STIM2: variants seen among roughly 807,000 people sequenced by gnomAD.
STIM2 encodes stromal interaction molecule 2.
A neutral mutation model predicts 85.8 loss-of-function variants in STIM2; 31 were observed. That is an observed-to-expected ratio of 0.36 (90% CI 0.27 to 0.49). The LOEUF is 0.49. STIM2 is among the 20% of genes least tolerant of loss of function. The pLI, the probability that STIM2 is intolerant of heterozygous loss-of-function variation, is 0.98. For missense variants in STIM2, 841 were observed against 927.6 expected (o/e 0.91, Z 1.21); for synonymous variants, 356 against 331.1 (o/e 1.08, Z -0.82).
chr4:26,990,699 G>T (rs1727736469), intron 3 of STIM2, among the ~76,000 whole-genome samples: 1 of 152,132 alleles, frequency 6.6e-6, no homozygotes, highest in Non-Finnish European at 1.5e-5. Context: ...TCTGACAAGA[G>T]ATTAATAACC....
intron 4 of STIM2, among the ~76,000 whole-genome samples, chr4:26,997,929 A>G (rs1340792757): frequency 6.6e-6 from 1 of 152,218 alleles, no homozygotes; most frequent in African/African-American, 2.4e-5. Context: ...GAGAGTACTG[A>G]TATCTTTCTA....
intron 2 of STIM2, among the ~76,000 whole-genome samples, chr4:26,946,510 G>C (rs1034687736): frequency 2.6e-5 from 4 of 152,186 alleles, no homozygotes; most frequent in Admixed American, 6.5e-5. Flanking sequence ...TCTTCTCTGT[G>C]TGAGGGGCCT....
chr4:27,001,811 C>T lies in STIM2; in HGVS notation c.626-406C>T, dbSNP rs567690017. ...ATCAGGTTTATAAGTGTGAGAGAAA[C>T]GTGACAGCTGCCTAGCTTGACTGAA... is the stretch of plus-strand genomic sequence containing the variant. On this transcript the variant is annotated intron_variant, in intron 5 of 11. Transcript: ENST00000467087. Among the ~76,000 whole-genome samples the T allele has an allele frequency of 3.3e-5, 5 of 152,250 alleles. No individual in the cohort carries two copies. The South Asian group carries it at 8.3e-4, about 25-fold the overall frequency.
At chr4:27,001,721 A>G (rs946593660) in intron 5 of STIM2, among the ~76,000 whole-genome samples, 4 of 152,156 alleles carry the variant, frequency 2.6e-5, no homozygotes, top group Non-Finnish European at 4.4e-5. Context: ...CTTGAGAACC[A>G]CTGATTAACC....
At position 26,861,050 on chromosome 4, in the gene STIM2, G is replaced by A. The variant is rs903487982; in HGVS notation, c.-169G>A. The A allele has an allele frequency of 1.4e-5, 17 of 1,190,706 alleles. No homozygotes were observed. In the African/African-American group the frequency reaches 1.8e-4, roughly 13 times the overall value. The allele number at this position is 1,190,706 out of a possible 1,614,324, so 73.8% of individuals were successfully genotyped here. On this transcript the variant is annotated 5_prime_UTR_variant, in exon 1 of 12. Transcript: ENST00000467087. ...GGAGCCCGTGTCTGAGGCGGCGGGGGCGGCCGGAGGAGTCGCCGGCGGCGG... is the reference window on the plus strand; with the variant it reads ...GGAGCCCGTGTCTGAGGCGGCGGGGACGGCCGGAGGAGTCGCCGGCGGCGG...
chr4:26,958,485 A>C (rs1726330214), intron 3 of STIM2, among the ~76,000 whole-genome samples: 1 of 152,182 alleles, frequency 6.6e-6, no homozygotes, highest in Non-Finnish European at 1.5e-5. Flanking sequence ...GAGTGTAAAG[A>C]AATAATAAAG....
At chr4:26,945,692 T>C (rs536364825) in intron 2 of STIM2, among the ~76,000 whole-genome samples, 1 of 152,282 alleles carries the variant, frequency 6.6e-6, no homozygotes, top group South Asian at 2.1e-4. Context: ...GCATTTCTCT[T>C]ATGATCAGTG....
chr4:27,018,644 G>C (rs964142443), intron 11 of STIM2, among the ~76,000 whole-genome samples: 8 of 152,172 alleles, frequency 5.3e-5, no homozygotes, highest in Non-Finnish European at 1.0e-4. Flanking sequence ...CAGGGGCTGG[G>C]AATTTGGGAG....
At chr4:26,992,550 T>G (rs1283473537) in intron 3 of STIM2, among the ~76,000 whole-genome samples, 8 of 151,748 alleles carry the variant, frequency 5.3e-5, no homozygotes, top group Non-Finnish European at 1.2e-4. Context: ...AAAAAAAAGG[T>G]TATATAGTAA....
intron 1 of STIM2, among the ~76,000 whole-genome samples, chr4:26,867,936 C>G (rs1398881914): frequency 6.6e-6 from 1 of 152,168 alleles, no homozygotes; most frequent in East Asian, 1.9e-4. Context: ...TAGGAAAGTT[C>G]TAAATTGGGG....
intron 3 of STIM2, among the ~76,000 whole-genome samples, chr4:26,962,600 GTA>G (rs773035074): frequency 0.05 from 6,087 of 122,042 alleles, 102 homozygotes; most frequent in Middle Eastern, 0.067. Context: ...GTGTGTGTGT[GTA>G]TGTGTGTCTG....
chr4:26,972,721 C>A (rs1165850489), intron 3 of STIM2, among the ~76,000 whole-genome samples: 1 of 152,126 alleles, frequency 6.6e-6, no homozygotes, highest in Non-Finnish European at 1.5e-5. Flanking sequence ...TGTGTCTCTG[C>A]CAGGCTTTGG....
chr4:26,991,492 G>A (rs772914037), intron 3 of STIM2, among the ~76,000 whole-genome samples: 1 of 152,044 alleles, frequency 6.6e-6, no homozygotes, highest in Non-Finnish European at 1.5e-5. Flanking sequence ...GAAGTAATAA[G>A]TTCTAGTATT....
rs1235267092 is a variant in STIM2, at chr4:27,025,149, AT to A, written c.*2156del. 1.3e-5 allele frequency: 2 copies of A among 152,178 alleles called. No individual in the cohort carries two copies. Among genetic ancestry groups the A allele is most frequent in the African/African-American group, 2.4e-5 (1 of 41,456 alleles). 9.4% of individuals were successfully genotyped at this position (152,178 alleles called of 1,614,324 possible). A position where few individuals can be genotyped will look rare whatever the true frequency, so the allele number is the denominator to read the frequency against. ...TTATAAACAAATTCAACCAAGGGAT[AT>A]TTACTGCTTTATGTTGCTTATGATA... On this transcript the variant is annotated 3_prime_UTR_variant, in exon 12 of 12. Coordinates refer to ENST00000467087, the MANE Select transcript of STIM2 (RefSeq NM_020860.4).
At chr4:26,955,320 T>C (rs1726206049) in intron 2 of STIM2, among the ~76,000 whole-genome samples, 2 of 147,804 alleles carry the variant, frequency 1.4e-5, no homozygotes, top group Non-Finnish European at 3.0e-5. Context: ...GTTTAGATTG[T>C]TTGAGTTCAT....
intron 2 of STIM2, among the ~76,000 whole-genome samples, chr4:26,931,773 A>C (rs979354320): frequency 2.0e-5 from 3 of 152,184 alleles, no homozygotes; most frequent in African/African-American, 7.2e-5. Context: ...TATATACTGA[A>C]ATTTTCATAA....
At chr4:26,939,472 GA>G (rs1725517965) in intron 2 of STIM2, among the ~76,000 whole-genome samples, 2 of 152,274 alleles carry the variant, frequency 1.3e-5, no homozygotes, top group African/African-American at 4.8e-5. Context: ...CTAAAGGGCT[GA>G]ATCGGATAAA....
intron 10 of STIM2, among the ~76,000 whole-genome samples, chr4:27,015,520 G>A (rs1321743185): frequency 6.6e-6 from 1 of 151,474 alleles, no homozygotes; most frequent in Non-Finnish European, 1.5e-5. Context: ...AATTCTCTTA[G>A]TCTTTGCCTG....
Position 27,007,540 on chromosome 4 carries a change from T to A in STIM2, c.989T>A (p.Met330Lys), listed in dbSNP as rs780868761. Residue 330 changes from methionine (M) to lysine (K), a missense_variant, in exon 8 of 12, where the codon ATG (methionine) becomes AAG (lysine). Met to Lys is a moderately conservative substitution (Grantham distance 95). Transcript: ENST00000467087. The stretch of plus-strand genomic sequence containing the variant: ...TTCCTTTCCTTCTTCTAGGTTCGCA[T>A]GGCTCTGAAAAAGGCCGAAAAAGAA... 6.5e-7 allele frequency: 1 copy of A among 1,537,018 alleles called. No individual in the cohort carries two copies.
Sources: gnomAD v4.1 joint callset for allele counts (sites outside exome capture counted in the v4.1 genomes callset) on GRCh38, gnomAD v4.1.1 for gene constraint, MANE v1.5 for transcripts, NCBI Gene and HGNC (gene_info 2026-07-23, HGNC 2026-07-21) for gene names.